The following DGKD variants were observed in gnomAD, a reference collection of about 807,000 sequenced individuals.
DGKD encodes the protein diacylglycerol kinase delta.
In DGKD, 68 loss-of-function variants were observed where a neutral mutation model predicts 154.4. The ratio of observed to expected loss-of-function variants is 0.44; its 90% CI spans 0.36 to 0.54. The LOEUF is 0.54. Among genes scored for constraint, DGKD ranks in the 20% least tolerant of loss-of-function variants. The pLI is 0.00. For missense variants in DGKD, 1,343 were observed against 1,593.6 expected, an observed-to-expected ratio of 0.84 and a Z score of 2.68; for synonymous variants, 693 against 638.0, an observed-to-expected ratio of 1.09 and a Z score of -1.30.
rs754657046 is a variant in DGKD, at chr2:233,446,773, G to A, written c.1396G>A (p.Glu466Lys). ...GCAGGCCTCCTCCTCTACCGTCACC[G>A]AAGACTTCAGCGAGGATTCCGAGGT... The part of the protein sequence containing the change: ...PRQASSSTVT[E>K]DFSEDSEVQQ... Residue 466 changes from glutamate (E) to lysine (K), a missense_variant, in exon 12 of 30, where the codon GAA (glutamate) becomes AAA (lysine). Transcript: ENST00000264057. 6.2e-6 allele frequency: 10 copies of A among 1,614,214 alleles called. No individual in the cohort carries two copies. The highest frequency in any genetic ancestry group is 4.4e-5 in the South Asian group (4 of 91,084).
chr2:233,457,117 G>T lies in DGKD; in HGVS notation c.2473-104G>T. ...CAGGGACTTGCCTGGGGATGCCCTG[G>T]CCACGGCTGTGCTCCTGAGCCCCTG... On this transcript the variant is annotated intron_variant, in intron 20 of 29. Coordinates refer to ENST00000264057, the MANE Select transcript of DGKD (RefSeq NM_152879.3). The surrounding 1 kb of genome is among the most constrained non-coding windows in gnomAD (Gnocchi z 5.5). 1 of 1,308,776 alleles carries T rather than the reference G, an allele frequency of 7.6e-7. No homozygotes were observed. The highest frequency in any genetic ancestry group is 1.1e-6 in the Non-Finnish European group (1 of 917,750). The allele number at this position is 1,308,776 out of a possible 1,614,324, so 81.1% of individuals were successfully genotyped here. A position where few individuals can be genotyped will look rare whatever the true frequency, so the allele number is the denominator to read the frequency against.
intron 2 of DGKD, among the ~76,000 whole-genome samples, chr2:233,389,588 A>G (rs545538221): frequency 6.7e-6 from 1 of 149,172 alleles, no homozygotes; most frequent in African/African-American, 2.5e-5. Context: ...AAAAAAAAAA[A>G]CACGACAAAA....
At chr2:233,394,580 A>G (rs1247926865) in intron 3 of DGKD, among the ~76,000 whole-genome samples, 1 of 148,860 alleles carries the variant, frequency 6.7e-6, no homozygotes, top group Non-Finnish European at 1.5e-5. Flanking sequence ...GTATATTAGT[A>G]TTTCTAAGTC....
At chr2:233,429,828 C>G (rs891568617) in intron 3 of DGKD, among the ~76,000 whole-genome samples, 7 of 152,242 alleles carry the variant, frequency 4.6e-5, no homozygotes, top group Middle Eastern at 3.2e-3. Flanking sequence ...CCAGCCCGGC[C>G]CCAGGTGTTC....
At chr2:233,468,273 G>T in intron 28 of DGKD, 150 bp from the exon 29 acceptor site, 1 of 872,118 alleles carries the variant, frequency 1.1e-6, no homozygotes, top group South Asian at 1.9e-5. Flanking sequence ...GCTATCTCAG[G>T]CGCTGGCTGC....
At chr2:233,446,856 T>A in intron 12 of DGKD, 60 bp downstream of exon 12, 3 of 1,589,240 alleles carry the variant, frequency 1.9e-6, no homozygotes, top group Non-Finnish European at 2.6e-6. Flanking sequence ...AACTGTCCTG[T>A]CAGCGGTTTG....
chr2:233,466,122 C>G (rs1372114947), intron 27 of DGKD, among the ~76,000 whole-genome samples: 1 of 151,758 alleles, frequency 6.6e-6, no homozygotes, highest in Non-Finnish European at 1.5e-5. Context: ...TTTTACTGTG[C>G]TCCAAGCAAT....
chr2:233,374,110 G>A (rs2125404560), intron 1 of DGKD, among the ~76,000 whole-genome samples: 1 of 152,058 alleles, frequency 6.6e-6, no homozygotes, highest in African/African-American at 2.4e-5. Flanking sequence ...GAGTGCAGTG[G>A]TGTGATCTCG....
chr2:233,392,425 C>G (rs1298603221), intron 3 of DGKD: 1 of 152,156 alleles, frequency 6.6e-6, no homozygotes, highest in Non-Finnish European at 1.5e-5. Flanking sequence ...CTTTATCTTG[C>G]AATTTAGAAT....
rs756680857 is a variant in DGKD at position 233,438,151 on chromosome 2, C to T, written c.923-66C>T. On this transcript the variant is annotated intron_variant, in intron 8 of 29. Coordinates refer to ENST00000264057, the MANE Select transcript of DGKD (RefSeq NM_152879.3). The surrounding 1 kb of genome is among the most constrained non-coding windows in gnomAD (Gnocchi z 4.1). ...TTGGGGGGGTCTGCTGCTGCTGATTCCATCAGTGGTGCCCTCAGCGTCTTC... is the reference window on the plus strand; with the variant it reads ...TTGGGGGGGTCTGCTGCTGCTGATTTCATCAGTGGTGCCCTCAGCGTCTTC... 1.3e-6 allele frequency: 2 copies of T among 1,545,908 alleles called. No individual in the cohort carries two copies. The highest frequency in any genetic ancestry group is 1.8e-6 in the Non-Finnish European group (2 of 1,134,116).
intron 1 of DGKD, among the ~76,000 whole-genome samples, chr2:233,355,674 G>T (rs2125364556): frequency 6.6e-6 from 1 of 152,382 alleles, no homozygotes. Context: ...GTTGTGAAGT[G>T]CTCCAGTTAT....
At chr2:233,439,665 C>T (rs1349322837) in intron 9 of DGKD, among the ~76,000 whole-genome samples, 3 of 152,116 alleles carry the variant, frequency 2.0e-5, no homozygotes, top group Non-Finnish European at 4.4e-5. Context: ...GGGCTCAAAC[C>T]ACCCTCCTGC....
In DGKD at chr2:233,450,145, C is replaced by T. The variant is rs370252441; in HGVS notation, c.2038+14C>T. On this transcript the variant is annotated intron_variant, in intron 16 of 29. Coordinates refer to ENST00000264057, the MANE Select transcript of DGKD (RefSeq NM_152879.3). ...GCCAGCGCAAAGGTACTTGTGCCTCCACCTCCCTCTGCGCACCGTCGTGTG... is the reference window on the plus strand; with the variant it reads ...GCCAGCGCAAAGGTACTTGTGCCTCTACCTCCCTCTGCGCACCGTCGTGTG... 3 of 1,599,648 alleles carry T rather than the reference C, an allele frequency of 1.9e-6. No individual in the cohort carries two copies. In the African/African-American group the frequency reaches 4.0e-5, roughly 21 times the overall value.
chr2:233,458,134 C>T lies in DGKD; in HGVS notation c.2581-150C>T, dbSNP rs2124918611. The T allele has an allele frequency of 1.8e-6, 1 of 540,996 alleles. No individual in the cohort carries two copies. 33.5% of individuals were successfully genotyped at this position (540,996 alleles called of 1,614,324 possible). Reference sequence around the variant, plus strand: ...GGTCCCAGGCAGCTGGTTTCAGGGCCTGCAACATGAAGCCCGTCAGGAGTG... The same window carrying T: ...GGTCCCAGGCAGCTGGTTTCAGGGCTTGCAACATGAAGCCCGTCAGGAGTG... On this transcript the variant is annotated intron_variant, in intron 21 of 29. Transcript: ENST00000264057. The surrounding 1 kb of genome is among the most constrained non-coding windows in gnomAD (Gnocchi z 6.6).
chr2:233,419,166 G>C (rs538578313), intron 3 of DGKD: 1 of 958,900 alleles, frequency 1.0e-6, no homozygotes, highest in African/African-American at 1.8e-5. Context: ...CTTTCCAAGC[G>C]CTGCAGCCCA....
intron 1 of DGKD, among the ~76,000 whole-genome samples, chr2:233,377,292 C>T (rs1260799837): frequency 6.6e-6 from 1 of 152,104 alleles, no homozygotes; most frequent in Non-Finnish European, 1.5e-5. Context: ...CCATGTTGGC[C>T]AGGCTGGTCT....
rs2063531686 is a variant in DGKD at position 233,458,627 on chromosome 2, T to C, written c.2694+230T>C. ...ACTCTTTTTAATTTTTTTTTTTTTT[T>C]TTGAGACAGAGTCTTGCTCTGTTGC... On this transcript the variant is annotated intron_variant, in intron 22 of 29. Transcript: ENST00000264057. This position sits in a 1 kb window ranked among gnomAD's most constrained non-coding sequence, Gnocchi z 6.6. Among the ~76,000 whole-genome samples, 1 of 151,920 alleles carries C rather than the reference T, an allele frequency of 6.6e-6. No homozygotes were observed. The highest frequency in any genetic ancestry group is 2.4e-5 in the African/African-American group (1 of 41,368).
chr2:233,370,258 G>C (rs1702242282), intron 1 of DGKD, among the ~76,000 whole-genome samples: 1 of 152,044 alleles, frequency 6.6e-6, no homozygotes, highest in Admixed American at 6.6e-5. Context: ...CTTTCTCTCA[G>C]GGTGGAGTGC....
At chr2:233,447,496 A>AT (rs2063121079) in intron 12 of DGKD, 1 of 985,102 alleles carries the variant, frequency 1.0e-6, no homozygotes, top group South Asian at 4.7e-5. Context: ...TGGTTTGTAC[A>AT]TTTTTTATTT....
Sources: gnomAD v4.1 joint callset for allele counts (sites outside exome capture counted in the v4.1 genomes callset) on GRCh38, gnomAD v4.1.1 for gene constraint, Gnocchi (gnomAD v3.1) non-coding constraint, MANE v1.5 for transcripts, NCBI Gene and HGNC (gene_info 2026-07-23, HGNC 2026-07-21) for gene names.